The following CYP4Z1 variants were observed in gnomAD, a reference collection of about 807,000 sequenced individuals.
CYP4Z1 encodes the protein cytochrome P450 family 4 subfamily Z member 1.
Under a neutral mutation model 54.2 loss-of-function variants are expected in CYP4Z1, and 41 were observed. The ratio of observed to expected loss-of-function variants is 0.76; its 90% CI spans 0.59 to 0.98. CYP4Z1 has a LOEUF of 0.98. Ranked by LOEUF, CYP4Z1 falls within the 50% of genes least tolerant of loss-of-function variation. CYP4Z1 has a pLI of 0.00. For synonymous variants in CYP4Z1, 163 were observed against 206.2 expected, an observed-to-expected ratio of 0.79 and a Z score of 1.79; for missense variants, 513 against 599.0, an observed-to-expected ratio of 0.86 and a Z score of 1.50.
intron 3 of CYP4Z1, among the ~76,000 whole-genome samples, chr1:47,081,688 C>G (rs1396197691): frequency 8.8e-6 from 1 of 114,198 alleles, no homozygotes; most frequent in Non-Finnish European, 1.7e-5. Flanking sequence ...CTAATTGCCC[C>G]TGGAAAATCT....
intron 2 of CYP4Z1, among the ~76,000 whole-genome samples, chr1:47,078,242 C>T (rs1439903705): frequency 1.3e-5 from 2 of 152,054 alleles, no homozygotes; most frequent in South Asian, 2.1e-4. Flanking sequence ...CTATTTCTGC[C>T]CCTCAGATTC....
rs199507217 is a variant in CYP4Z1, at chr1:47,117,887, C to T, written c.1471C>T (p.Leu491Phe). ...TCCCCAGCCTGTTCGTCAAGTTGTC[C>T]TCAAGTCCAAGAATGGAATCCATGT... is the stretch of plus-strand genomic sequence containing the variant. ...RPPQPVRQVV[L>F]KSKNGIHVFA... The change falls in exon 12 of 12, where the codon CTC (leucine) becomes TTC (phenylalanine). Residue 491 changes from leucine (L) to phenylalanine (F), a missense_variant. Coordinates refer to ENST00000334194, the MANE Select transcript of CYP4Z1 (RefSeq NM_178134.3). 1 of 1,613,578 alleles carries T rather than the reference C, an allele frequency of 6.2e-7. No homozygotes were observed. The highest frequency in any genetic ancestry group is 8.5e-7 in the Non-Finnish European group (1 of 1,179,758).
At chr1:47,071,251 AATT>A (rs1644487134) in intron 2 of CYP4Z1, among the ~76,000 whole-genome samples, 1 of 148,846 alleles carries the variant, frequency 6.7e-6, no homozygotes, top group African/African-American at 2.5e-5. Context: ...AAAATACAAA[AATT>A]AGCCAGGCGT....
At chr1:47,109,329 G>A (rs1569756116) in intron 9 of CYP4Z1, among the ~76,000 whole-genome samples, 1 of 152,152 alleles carries the variant, frequency 6.6e-6, no homozygotes, top group South Asian at 2.1e-4. Flanking sequence ...GAGGGTGGCT[G>A]CAGAAAGACT....
rs761985230 is a variant in CYP4Z1, at chr1:47,094,555, T to G, written c.773-11T>G. On this transcript the variant is annotated splice_polypyrimidine_tract_variant and intron_variant, in intron 6 of 11. Transcript: ENST00000334194. Reference sequence around the variant, plus strand: ...CTTGATAATAACAAAGATCATAATTTTTCCATCTAGAGAAAGTAATCCAGG... The same window carrying G: ...CTTGATAATAACAAAGATCATAATTGTTCCATCTAGAGAAAGTAATCCAGG... The G allele has an allele frequency of 1.7e-5, 25 of 1,495,986 alleles. No homozygotes were observed. The highest frequency in any genetic ancestry group is 2.1e-5 in the Non-Finnish European group (23 of 1,093,632). The allele number at this position is 1,495,986 out of a possible 1,614,324, so 92.7% of individuals were successfully genotyped here. A position where few individuals can be genotyped will look rare whatever the true frequency, so the allele number is the denominator to read the frequency against.
chr1:47,064,708 T>C (rs1644440855), upstream of CYP4Z1, among the ~76,000 whole-genome samples: 1 of 151,978 alleles, frequency 6.6e-6, no homozygotes, highest in African/African-American at 2.4e-5. Context: ...TCAATACTAA[T>C]ATTGAGTGTA....
intron 2 of CYP4Z1, among the ~76,000 whole-genome samples, chr1:47,076,873 T>TTTAATATTCATG (rs1448609736): frequency 1.4e-5 from 2 of 144,832 alleles, no homozygotes; most frequent in African/African-American, 5.1e-5. Flanking sequence ...GAATGTCTTG[T>TTTAATATTCATG]TTAATATTCA....
At chr1:47,062,591 A>T (rs1644429742), upstream of CYP4Z1, among the ~76,000 whole-genome samples, 1 of 152,012 alleles carries the variant, frequency 6.6e-6, no homozygotes, top group Non-Finnish European at 1.5e-5. Context: ...TTCCCTGGTG[A>T]CCTGTATGAC....
At chr1:47,067,225 G>A (rs917826737), upstream of CYP4Z1, among the ~76,000 whole-genome samples, 1 of 152,166 alleles carries the variant, frequency 6.6e-6, no homozygotes, top group Non-Finnish European at 1.5e-5. Context: ...GTGCAGCAAA[G>A]CTTTCATATG....
chr1:47,082,570 A>C, intron 4 of CYP4Z1, 109 bp downstream of exon 4: 1 of 1,480,714 alleles, frequency 6.8e-7, no homozygotes, highest in African/African-American at 1.4e-5. Context: ...AGCAGTTTAT[A>C]TGGGGTTATT....
chr1:47,098,299 A>T (rs1390958143), intron 7 of CYP4Z1, among the ~76,000 whole-genome samples: 1 of 152,214 alleles, frequency 6.6e-6, no homozygotes, highest in East Asian at 1.9e-4. Context: ...TTCTCTGAGC[A>T]GTGGTTTGTA....
the CYP4Z1 span, among the ~76,000 whole-genome samples, chr1:47,056,074 T>C: frequency 2.0e-5 from 3 of 152,214 alleles, no homozygotes; most frequent in African/African-American, 7.2e-5. Flanking sequence ...TAAATTTCCC[T>C]CTACACACTG....
intron 6 of CYP4Z1, among the ~76,000 whole-genome samples, chr1:47,089,385 C>T (rs1644621993): frequency 6.6e-6 from 1 of 151,610 alleles, no homozygotes; most frequent in African/African-American, 2.4e-5. Context: ...AATAATTAGG[C>T]AAAATATTAC....
chr1:47,074,671 T>C (rs1644506956), intron 2 of CYP4Z1: 1 of 241,376 alleles, frequency 4.1e-6, no homozygotes, highest in African/African-American at 2.3e-5. Flanking sequence ...GATGTATGGG[T>C]TTATTTTTGG....
intron 2 of CYP4Z1, among the ~76,000 whole-genome samples, chr1:47,079,618 T>C (rs1183661594): frequency 1.3e-5 from 2 of 152,250 alleles, no homozygotes; most frequent in African/African-American, 2.4e-5. Flanking sequence ...TCTGAAGAAA[T>C]GCCAGAATTA....
At chr1:47,076,844 C>CAAAAAAAAAAAAAAAAAAAAAAAAA (rs59854360) in intron 2 of CYP4Z1, among the ~76,000 whole-genome samples, 87 of 81,376 alleles carry the variant, frequency 1.1e-3, no homozygotes, top group Non-Finnish European at 1.4e-3. Flanking sequence ...GACGCTGTCT[C>CAAAAAAAAAAAAAAAAAAAAAAAAA]AAAAAAAAAA....
At chr1:47,076,289 C>T (rs1232268045) in intron 2 of CYP4Z1, among the ~76,000 whole-genome samples, 2 of 150,012 alleles carry the variant, frequency 1.3e-5, no homozygotes, top group African/African-American at 2.5e-5. Context: ...TTTTATTTAC[C>T]TCAGCTCTAA....
At chr1:47,083,121 A>G (rs1288535101) in intron 4 of CYP4Z1, among the ~76,000 whole-genome samples, 1 of 152,044 alleles carries the variant, frequency 6.6e-6, no homozygotes, top group Non-Finnish European at 1.5e-5. Context: ...CTCAAAGACT[A>G]AGTTTCTAAG....
chr1:47,112,995 T>A lies in CYP4Z1; in HGVS notation c.1202-2534T>A, dbSNP rs142572163. On this transcript the variant is annotated intron_variant, in intron 9 of 11. Transcript: ENST00000334194. ...TAATACAATCTCCCAAGTAGCTGAC[T>A]AGGAAAGGAAAAAAAAAAAAGACAA... is the stretch of plus-strand genomic sequence containing the variant. Among the ~76,000 whole-genome samples the A allele has an allele frequency of 4.8e-3, 721 of 150,326 alleles. 11 individuals are homozygous for A. Among genetic ancestry groups the A allele is most frequent in the East Asian group, 0.046 (234 of 5,120 alleles).
Sources: gnomAD v4.1 joint callset for allele counts (sites outside exome capture counted in the v4.1 genomes callset) on GRCh38, gnomAD v4.1.1 for gene constraint, MANE v1.5 for transcripts, NCBI Gene and HGNC (gene_info 2026-07-23, HGNC 2026-07-21) for gene names.